PPP1R8: variants seen among roughly 807,000 people sequenced by gnomAD.
PPP1R8 encodes the protein protein phosphatase 1 regulatory subunit 8, also known as nuclear inhibitor of protein phosphatase 1.
PPP1R8 carries 4 observed loss-of-function variants against 31.3 expected under a neutral mutation model. The observed-to-expected ratio is 0.13, with a 90% confidence interval of 0.06 to 0.29. PPP1R8 has a LOEUF of 0.29. Among genes scored for constraint, PPP1R8 ranks in the 10% least tolerant of loss-of-function variants. The pLI is 1.00. For missense variants in PPP1R8, 254 were observed against 440.1 expected, an observed-to-expected ratio of 0.58 and a Z score of 3.78; for synonymous variants, 170 against 169.7, an observed-to-expected ratio of 1.00 and a Z score of -0.01.
chr1:27,837,999 C>T (rs560822096), intron 2 of PPP1R8, among the ~76,000 whole-genome samples: 1 of 151,992 alleles, frequency 6.6e-6, no homozygotes, highest in South Asian at 2.1e-4. Flanking sequence ...ATCATAAGGT[C>T]GGGAGTTCGA....
chr1:27,846,936 AGTT>A (rs2148620019), intron 5 of PPP1R8, 89 bp from the exon 6 acceptor site: 2 of 1,053,742 alleles, frequency 1.9e-6, no homozygotes, highest in Non-Finnish European at 3.0e-6. Flanking sequence ...TTTTAATATG[AGTT>A]GTTGTGATGG....
At chr1:27,835,679 C>G (rs2089157581) in intron 2 of PPP1R8, among the ~76,000 whole-genome samples, 1 of 152,196 alleles carries the variant, frequency 6.6e-6, no homozygotes, top group Admixed American at 6.5e-5. Context: ...TTAAAATATT[C>G]CTTGCCATAT....
intron 4 of PPP1R8, among the ~76,000 whole-genome samples, chr1:27,842,372 C>G (rs2089232080): frequency 6.6e-6 from 1 of 150,438 alleles, no homozygotes; most frequent in Non-Finnish European, 1.5e-5. Context: ...AGAAATTTTA[C>G]AATTAAGAAG....
intron 1 of PPP1R8, chr1:27,831,507 G>A (rs915281930): frequency 2.9e-6 from 1 of 340,658 alleles, no homozygotes; most frequent in Non-Finnish European, 4.1e-6. Context: ...CTTTGAGTAG[G>A]GTACAAGTTG....
intron 2 of PPP1R8, among the ~76,000 whole-genome samples, chr1:27,835,297 G>T (rs1190025053): frequency 1.3e-5 from 2 of 152,170 alleles, no homozygotes; most frequent in African/African-American, 4.8e-5. Flanking sequence ...AAATATGAAT[G>T]AGAAGTGCAA....
At position 27,850,670 on chromosome 1, in the gene PPP1R8, C is replaced by T; in HGVS notation, c.*224C>T. ...ATTGTAGAGAAAGGCTTCTTATATCCTTTTCAATAGACTGCCCTGGCTCTT... is the reference window on the plus strand; with the variant it reads ...ATTGTAGAGAAAGGCTTCTTATATCTTTTTCAATAGACTGCCCTGGCTCTT... On this transcript the variant is annotated 3_prime_UTR_variant, in exon 7 of 7. Transcript: ENST00000311772. 2.0e-6 allele frequency: 1 copy of T among 497,580 alleles called. No individual in the cohort carries two copies. The highest frequency in any genetic ancestry group is 3.6e-6 in the Non-Finnish European group (1 of 280,414). The allele number at this position is 497,580 out of a possible 1,614,324, so 30.8% of individuals were successfully genotyped here.
At chr1:27,834,854 C>T (rs2089147363) in intron 2 of PPP1R8, among the ~76,000 whole-genome samples, 1 of 151,840 alleles carries the variant, frequency 6.6e-6, no homozygotes, top group Non-Finnish European at 1.5e-5. Flanking sequence ...CCCGTCTCTA[C>T]TAAAAGTAAA....
At chr1:27,832,672 G>C in intron 1 of PPP1R8, 84 bp from the exon 2 acceptor site, 1 of 1,117,222 alleles carries the variant, frequency 9.0e-7, no homozygotes, top group Non-Finnish European at 1.3e-6. Flanking sequence ...TGGTAGGAGA[G>C]CTGCAATGTT....
chr1:27,845,109 G>A (rs746878408), intron 5 of PPP1R8, among the ~76,000 whole-genome samples: 19 of 146,326 alleles, frequency 1.3e-4, no homozygotes, highest in Admixed American at 1.1e-3. Flanking sequence ...TAGTGCCCTC[G>A]GCCGGGCACG....
At chr1:27,843,098 T>A in intron 4 of PPP1R8, 88 bp from the exon 5 acceptor site, 1 of 1,519,204 alleles carries the variant, frequency 6.6e-7, no homozygotes, top group South Asian at 1.2e-5. Flanking sequence ...TAGCCCCTCA[T>A]GCCTTCCTCA....
At chr1:27,847,153 G>T (rs921131091) in intron 6 of PPP1R8, 61 bp downstream of exon 6, 14 of 1,536,610 alleles carry the variant, frequency 9.1e-6, no homozygotes, top group Non-Finnish European at 1.3e-5. Context: ...TAGGCCAGGC[G>T]CGTTGGCTTA....
intron 3 of PPP1R8, 72 bp downstream of exon 3, chr1:27,838,924 G>T: frequency 7.5e-7 from 1 of 1,338,676 alleles, no homozygotes; most frequent in Non-Finnish European, 1.0e-6. Flanking sequence ...TCTTTAGTTT[G>T]GAAATTACGT....
intron 3 of PPP1R8, among the ~76,000 whole-genome samples, chr1:27,840,151 A>G (rs547837415): frequency 4.6e-5 from 7 of 152,362 alleles, no homozygotes; most frequent in African/African-American, 1.7e-4. Context: ...TTCGCCTAAG[A>G]TAATCCACAG....
chr1:27,839,393 C>T (rs537440497), intron 3 of PPP1R8, among the ~76,000 whole-genome samples: 18 of 151,976 alleles, frequency 1.2e-4, no homozygotes, highest in Non-Finnish European at 1.9e-4. Context: ...CTGGGTGTGG[C>T]GGCGGGTGCC....
At chr1:27,848,682 A>G (rs975055969) in intron 6 of PPP1R8, among the ~76,000 whole-genome samples, 5 of 152,208 alleles carry the variant, frequency 3.3e-5, no homozygotes, top group African/African-American at 1.2e-4. Context: ...GTTTAATCCA[A>G]AAGGAGTATA....
At chr1:27,832,081 T>A (rs1456915595) in intron 1 of PPP1R8, among the ~76,000 whole-genome samples, 1 of 152,232 alleles carries the variant, frequency 6.6e-6, no homozygotes, top group Non-Finnish European at 1.5e-5. Context: ...TGAGATCACC[T>A]ACCCTTTCCT....
chr1:27,848,607 T>TA (rs200507477), intron 6 of PPP1R8, among the ~76,000 whole-genome samples: 31 of 150,194 alleles, frequency 2.1e-4, no homozygotes, highest in South Asian at 4.2e-4. Context: ...TTACTTTTTA[T>TA]AAAAAAAAAA....
chr1:27,850,555 C>A lies in PPP1R8; in HGVS notation c.*109C>A. On this transcript the variant is annotated 3_prime_UTR_variant, in exon 7 of 7. Coordinates refer to ENST00000311772, the MANE Select transcript of PPP1R8 (RefSeq NM_014110.5). ...TTTCCATGTGTGCGGTATCGTCTTT[C>A]AGAATGTCTCCTGGCATCCTAACCA... 1.0e-6 allele frequency: 1 copy of A among 993,704 alleles called. No individual in the cohort carries two copies. The highest frequency in any genetic ancestry group is 1.5e-6 in the Non-Finnish European group (1 of 686,884). 61.6% of individuals were successfully genotyped at this position (993,704 alleles called of 1,614,324 possible). A position where few individuals can be genotyped will look rare whatever the true frequency, so the allele number is the denominator to read the frequency against.
At chr1:27,837,648 G>A (rs1482956868) in intron 2 of PPP1R8, among the ~76,000 whole-genome samples, 14 of 151,494 alleles carry the variant, frequency 9.2e-5, no homozygotes, top group East Asian at 5.9e-4. Flanking sequence ...GGTGGCGGGC[G>A]CCTGTAATCC....
Sources: gnomAD v4.1 joint callset for allele counts (sites outside exome capture counted in the v4.1 genomes callset) on GRCh38, gnomAD v4.1.1 for gene constraint, MANE v1.5 for transcripts, NCBI Gene and HGNC (gene_info 2026-07-23, HGNC 2026-07-21) for gene names.